The following CHD5 variants were observed in gnomAD, a reference collection of about 807,000 sequenced individuals.
CHD5 encodes chromodomain helicase DNA binding protein 5, also known as ATP-dependent chromatin remodeler CHD5.
In CHD5, 69 loss-of-function variants were observed where a neutral mutation model predicts 230.3. The observed-to-expected ratio is 0.30, with a 90% CI of 0.25 to 0.37. The LOEUF (loss-of-function observed/expected upper bound fraction) is 0.37. CHD5 is among the 10% of genes least tolerant of loss of function. The pLI is 1.00. For synonymous variants in CHD5, 1,064 were observed against 1,065.9 expected (o/e 1.00, Z 0.03); for missense variants, 1,827 against 2,622.8 (o/e 0.70, Z 6.63).
intron 3 of CHD5, among the ~76,000 whole-genome samples, chr1:6,158,197 C>T (rs890466672): frequency 2.0e-5 from 3 of 152,156 alleles, no homozygotes; most frequent in Middle Eastern, 3.2e-3. Context: ...TCTGAGACTC[C>T]GGAGCACCTC....
At position 6,134,148 on chromosome 1, in the gene CHD5, G is replaced by T; in HGVS notation, c.3124C>A (p.Arg1042Ser). Reference sequence around the variant, plus strand: ...CGCACCTGGGAGAAGATGAGCACACGGTGCCCCTCATCCCGCAGTTTCTTC... The same window carrying T: ...CGCACCTGGGAGAAGATGAGCACACTGTGCCCCTCATCCCGCAGTTTCTTC... ...MLKKLRDEGH[R>S]VLIFSQMTKM... The change falls in exon 20 of 42, where the codon CGT becomes AGT. Residue 1042 changes from arginine (R) to serine (S), a missense_variant. Arg to Ser is a moderately radical substitution (Grantham distance 110). This residue lies in a region of CHD5 where 38 missense variants were observed against 49.5 expected (regional missense o/e 0.77). Transcript: ENST00000262450. The surrounding 1 kb of genome is among the most constrained non-coding windows in gnomAD (Gnocchi z 6.3). 1.2e-6 allele frequency: 2 copies of T among 1,613,330 alleles called. No homozygotes were observed.
intron 1 of CHD5, among the ~76,000 whole-genome samples, chr1:6,172,104 T>C (rs986504533): frequency 4.6e-5 from 7 of 152,174 alleles, no homozygotes; most frequent in Non-Finnish European, 8.8e-5. Context: ...ATGCGCCAGC[T>C]CAGCCCTGTG....
chr1:6,111,510 G>A (rs1361434204), intron 36 of CHD5, among the ~76,000 whole-genome samples: 2 of 151,390 alleles, frequency 1.3e-5, no homozygotes, highest in African/African-American at 4.9e-5. Flanking sequence ...CTCCAGCCTG[G>A]GTGACAGAGT....
intron 18 of CHD5, 138 bp downstream of exon 18, chr1:6,135,092 C>G (rs1026823208): frequency 7.4e-6 from 8 of 1,078,610 alleles, no homozygotes; most frequent in Non-Finnish European, 1.1e-5. Context: ...AGAGGCCCCA[C>G]GAAGAAAGTG....
In CHD5 at chr1:6,101,908, A is replaced by G. The variant is rs1227706859; in HGVS notation, c.*3566T>C. The G allele has an allele frequency of 1.5e-5, 5 of 330,990 alleles. No homozygotes were observed. The highest frequency in any genetic ancestry group is 4.6e-5 in the African/African-American group (2 of 43,252). 20.5% of individuals were successfully genotyped at this position (330,990 alleles called of 1,614,324 possible). A position where few individuals can be genotyped will look rare whatever the true frequency, so the allele number is the denominator to read the frequency against. ...CCAGCCTCCCGTGGGCGAAGACCAG[A>G]CAAGCCACGGCTCACAGGGGAGCCT... On this transcript the variant is annotated 3_prime_UTR_variant, in exon 42 of 42. Coordinates refer to ENST00000262450, the MANE Select transcript of CHD5 (RefSeq NM_015557.3).
chr1:6,144,147 T>C lies in CHD5; in HGVS notation c.1811A>G (p.Lys604Arg), dbSNP rs1232515950. The change falls in exon 12 of 42, where the codon AAG becomes AGG. Residue 604 changes from lysine (K) to arginine (R), a missense_variant. Transcript: ENST00000262450. ...GATCAGGTAGTGCACATCCCCCTTC[T>C]TGTCAAAGCTGCAACACGGTGAACA... Reference protein sequence around the residue: ...IHRILNHSFDKKGDVHYLIKW... With the variant: ...IHRILNHSFDRKGDVHYLIKW... 4 of 1,614,044 alleles carry C rather than the reference T, an allele frequency of 2.5e-6. No homozygotes were observed. Among genetic ancestry groups the C allele is most frequent in the Non-Finnish European group, 3.4e-6 (4 of 1,180,038 alleles).
intron 20 of CHD5, among the ~76,000 whole-genome samples, chr1:6,132,358 C>T (rs549704604): frequency 1.6e-4 from 25 of 152,316 alleles, no homozygotes; most frequent in Middle Eastern, 3.4e-3. Flanking sequence ...AGTCTGAGAA[C>T]GATCTGGCTG....
At chr1:6,144,529 C>G (rs1184507532) in intron 11 of CHD5, among the ~76,000 whole-genome samples, 4 of 152,256 alleles carry the variant, frequency 2.6e-5, no homozygotes, top group African/African-American at 9.6e-5. Context: ...TGCCAATGGA[C>G]TCAGTTTTCT....
At chr1:6,163,824 C>G (rs1413878461) in intron 2 of CHD5, among the ~76,000 whole-genome samples, 1 of 152,224 alleles carries the variant, frequency 6.6e-6, no homozygotes, top group African/African-American at 2.4e-5. Flanking sequence ...ACACTGCAGG[C>G]ATGAAGATAC....
At chr1:6,150,935 C>T in intron 7 of CHD5, 97 bp downstream of exon 7, 1 of 1,346,480 alleles carries the variant, frequency 7.4e-7, no homozygotes, top group Non-Finnish European at 9.7e-7. Flanking sequence ...CCCGCACATC[C>T]ACCCGGCAGG....
In CHD5 at chr1:6,112,132, C is replaced by T. The variant is rs1666301354; in HGVS notation, c.5140+8G>A. ...CTCAGCTCTCTGCCCAACCCCCAACCCCAATACCCGTGAAGCCCCCGTCCG... is the reference window on the plus strand; with the variant it reads ...CTCAGCTCTCTGCCCAACCCCCAACTCCAATACCCGTGAAGCCCCCGTCCG... On this transcript the variant is annotated splice_region_variant and intron_variant, in intron 35 of 41. Coordinates refer to ENST00000262450, the MANE Select transcript of CHD5 (RefSeq NM_015557.3). 2 of 1,612,460 alleles carry T rather than the reference C, an allele frequency of 1.2e-6. No homozygotes were observed. Among genetic ancestry groups the T allele is most frequent in the Non-Finnish European group, 1.7e-6 (2 of 1,179,012 alleles).
At chr1:6,144,769 G>A (rs374017043) in intron 11 of CHD5, among the ~76,000 whole-genome samples, 65 of 152,310 alleles carry the variant, frequency 4.3e-4, no homozygotes, top group African/African-American at 1.3e-3. Flanking sequence ...CTGGAGGGCC[G>A]GGCTGGGGCT....
intron 33 of CHD5, among the ~76,000 whole-genome samples, chr1:6,118,138 G>A (rs1384752142): frequency 6.6e-6 from 1 of 152,172 alleles, no homozygotes; most frequent in African/African-American, 2.4e-5. Context: ...CACTTTGGGA[G>A]GTCAAGGTGG....
chr1:6,126,852 G>A lies in CHD5; in HGVS notation c.3904-106C>T. 1 of 996,966 alleles carries A rather than the reference G, an allele frequency of 1.0e-6. No homozygotes were observed. Among genetic ancestry groups the A allele is most frequent in the Non-Finnish European group, 1.5e-6 (1 of 672,038 alleles). 61.8% of individuals were successfully genotyped at this position (996,966 alleles called of 1,614,324 possible). Reference sequence around the variant, plus strand: ...GCCCTTTGCCCCCTCAGGGCTCAAGGATTAATGGGATGGCCTGCCTACTCC... The same window carrying A: ...GCCCTTTGCCCCCTCAGGGCTCAAGAATTAATGGGATGGCCTGCCTACTCC... On this transcript the variant is annotated intron_variant, in intron 25 of 41. Transcript: ENST00000262450. This position sits in a 1 kb window ranked among gnomAD's most constrained non-coding sequence, Gnocchi z 5.7.
At position 6,124,072 on chromosome 1, in the gene CHD5, G is replaced by A; in HGVS notation, c.4575C>T (p.Ser1525=). 1 of 1,612,880 alleles carries A rather than the reference G, an allele frequency of 6.2e-7. No homozygotes were observed. Among genetic ancestry groups the A allele is most frequent in the Non-Finnish European group, 8.5e-7 (1 of 1,179,640 alleles). Residue 1525 remains serine, a synonymous_variant, in exon 31 of 42, where the codon AGC becomes AGT. Transcript: ENST00000262450. Reference sequence around the variant, plus strand: ...GCCCCTCAGGGATCAAGTCTGGGGTGCTGTACTTCCCGTTGACATGCTCAA... The same window carrying A: ...GCCCCTCAGGGATCAAGTCTGGGGTACTGTACTTCCCGTTGACATGCTCAA... The part of the protein sequence containing the change: ...QEFEHVNGKY[S]TPDLIPEGPE...
intron 30 of CHD5, 90 bp downstream of exon 30, chr1:6,124,427 C>A: frequency 7.0e-7 from 1 of 1,437,076 alleles, no homozygotes; most frequent in Non-Finnish European, 9.8e-7. Flanking sequence ...CTGAACCAGG[C>A]ACTTGTTCTC....
chr1:6,173,124 A>G (rs1443365486), intron 1 of CHD5, among the ~76,000 whole-genome samples: 3 of 137,076 alleles, frequency 2.2e-5, no homozygotes, highest in East Asian at 4.4e-4. Flanking sequence ...TTTTTTTTTT[A>G]GACGGACTCT....
intron 33 of CHD5, chr1:6,113,405 C>T (rs1413770631): frequency 8.2e-6 from 3 of 364,048 alleles, no homozygotes; most frequent in South Asian, 6.1e-5. Flanking sequence ...GCCTGAGTGA[C>T]AGAGCAAGAC....
chr1:6,160,815 T>A (rs1008984699), intron 2 of CHD5, among the ~76,000 whole-genome samples: 1 of 152,224 alleles, frequency 6.6e-6, no homozygotes, highest in Non-Finnish European at 1.5e-5. Context: ...CCCATTTATA[T>A]GGAGATAAGG....
Sources: allele counts gnomAD v4.1 joint callset (sites outside exome capture counted in the v4.1 genomes callset), GRCh38; gene constraint gnomAD v4.1.1; regional missense constraint gnomAD v4.1.1; non-coding constraint Gnocchi (gnomAD v3.1); transcripts MANE v1.5; gene names NCBI Gene and HGNC (gene_info 2026-07-23, HGNC 2026-07-21).